Variants in DLG2 observed in about 807,000 individuals in gnomAD.
The protein encoded by DLG2 is disks large homolog 2.
In DLG2, 45 loss-of-function variants were observed where a neutral mutation model predicts 132.5. That is an observed-to-expected ratio of 0.34 (90% CI 0.27 to 0.44). The LOEUF (loss-of-function observed/expected upper bound fraction) is 0.44. Ranked by LOEUF, DLG2 falls within the 20% of genes least tolerant of loss-of-function variation. The pLI is 1.00. For synonymous variants in DLG2, 424 were observed against 419.6 expected, an observed-to-expected ratio of 1.01 and a Z score of -0.13; for missense variants, 1,045 against 1,196.9, an observed-to-expected ratio of 0.87 and a Z score of 1.87.
intron 5 of DLG2, among the ~76,000 whole-genome samples, chr11:85,139,961 C>T (rs574212660): frequency 3.3e-5 from 5 of 152,022 alleles, no homozygotes; most frequent in African/African-American, 1.2e-4. Flanking sequence ...ATAATGTCCT[C>T]CCAGGCTCCT....
At chr11:84,614,265 G>A (rs917176259) in intron 6 of DLG2, among the ~76,000 whole-genome samples, 6 of 152,160 alleles carry the variant, frequency 3.9e-5, no homozygotes, top group African/African-American at 1.4e-4. Context: ...TTGGGAAAAT[G>A]AGTATCTTTA....
chr11:84,460,021 A>G (rs969892058), intron 7 of DLG2, among the ~76,000 whole-genome samples: 5 of 150,726 alleles, frequency 3.3e-5, no homozygotes, highest in African/African-American at 1.2e-4. Flanking sequence ...TTTCTACACT[A>G]TGTCAAATAG....
intron 7 of DLG2, among the ~76,000 whole-genome samples, chr11:84,323,718 T>C (rs2154397930): frequency 6.8e-6 from 1 of 146,820 alleles, no homozygotes; most frequent in East Asian, 2.0e-4. Flanking sequence ...CTTTCTTTTT[T>C]CCTTTTTTTT....
At chr11:85,373,179 G>A (rs543211936) in intron 3 of DLG2, among the ~76,000 whole-genome samples, 1 of 152,268 alleles carries the variant, frequency 6.6e-6, no homozygotes, top group East Asian at 1.9e-4. Flanking sequence ...TTTTTAACCA[G>A]TCGGACTTTT....
At chr11:85,002,809 C>A (rs1001834448) in intron 6 of DLG2, among the ~76,000 whole-genome samples, 2 of 151,908 alleles carry the variant, frequency 1.3e-5, no homozygotes, top group Non-Finnish European at 2.9e-5. Context: ...TTGGCCACCT[C>A]TGAGATAGCA....
chr11:84,969,862 T>C (rs1387247656), intron 6 of DLG2, among the ~76,000 whole-genome samples: 9 of 152,172 alleles, frequency 5.9e-5, no homozygotes, highest in African/African-American at 2.2e-4. Context: ...TTCATGTCCT[T>C]TGCAGGGACA....
At chr11:85,580,276 C>A (rs1165390969) in intron 3 of DLG2, among the ~76,000 whole-genome samples, 1 of 152,148 alleles carries the variant, frequency 6.6e-6, no homozygotes, top group Admixed American at 6.5e-5. Flanking sequence ...TAATACAGGG[C>A]CACATGACAA....
intron 8 of DLG2, among the ~76,000 whole-genome samples, chr11:84,244,022 G>T (rs1000870657): frequency 6.6e-6 from 1 of 152,148 alleles, no homozygotes; most frequent in Non-Finnish European, 1.5e-5. Flanking sequence ...GCAGAGGTGG[G>T]TTTACAACCC....
chr11:83,526,005 G>C (rs772004764), intron 21 of DLG2, among the ~76,000 whole-genome samples: 3 of 152,084 alleles, frequency 2.0e-5, no homozygotes, highest in Non-Finnish European at 4.4e-5. Flanking sequence ...TGTAAATTAA[G>C]TCAATGGCCA....
intron 14 of DLG2, among the ~76,000 whole-genome samples, chr11:83,952,247 G>A (rs779332325): frequency 4.6e-5 from 7 of 152,124 alleles, no homozygotes; most frequent in Non-Finnish European, 7.4e-5. Flanking sequence ...TTGGAAGGCT[G>A]AGGTGGAAGA....
At chr11:84,194,505 C>T (rs191227519) in intron 8 of DLG2, among the ~76,000 whole-genome samples, 111 of 152,292 alleles carry the variant, frequency 7.3e-4, no homozygotes, top group Middle Eastern at 3.4e-3. Flanking sequence ...GAGTGGCTTG[C>T]GCTGTTGGCT....
At chr11:85,518,570 C>G (rs2094214859) in intron 3 of DLG2, among the ~76,000 whole-genome samples, 2 of 152,050 alleles carry the variant, frequency 1.3e-5, no homozygotes, top group African/African-American at 2.4e-5. Flanking sequence ...AAGCAGAGCA[C>G]AAAAGTTTGG....
At chr11:84,367,755 T>G (rs909666248) in intron 7 of DLG2, among the ~76,000 whole-genome samples, 1 of 152,142 alleles carries the variant, frequency 6.6e-6, no homozygotes, top group Non-Finnish European at 1.5e-5. Context: ...CACCAGAAGC[T>G]GACCAGATGC....
At chr11:85,478,712 T>C (rs1444032678) in intron 3 of DLG2, among the ~76,000 whole-genome samples, 1 of 152,214 alleles carries the variant, frequency 6.6e-6, no homozygotes, top group Non-Finnish European at 1.5e-5. Context: ...CACAGTCCTG[T>C]TATGATGGTG....
At chr11:84,821,969 T>TA (rs146359573) in intron 6 of DLG2, among the ~76,000 whole-genome samples, 13,854 of 151,856 alleles carry the variant, frequency 0.091, 688 homozygotes, top group Middle Eastern at 0.12. Context: ...AAATATCCTA[T>TA]AAAAAATTCA....
intron 15 of DLG2, among the ~76,000 whole-genome samples, chr11:83,887,116 A>T (rs1318652624): frequency 6.6e-6 from 1 of 152,172 alleles, no homozygotes; most frequent in African/African-American, 2.4e-5. Context: ...AACTGAAGGA[A>T]ATAGAGACAC....
intron 6 of DLG2, among the ~76,000 whole-genome samples, chr11:84,977,289 T>TC (rs1329243908): frequency 2.6e-5 from 4 of 152,088 alleles, no homozygotes; most frequent in Admixed American, 2.6e-4. Context: ...TTTTTCTCTC[T>TC]CCCACTCTAT....
chr11:85,390,045 A>C (rs1596798544), intron 3 of DLG2, among the ~76,000 whole-genome samples: 1 of 152,304 alleles, frequency 6.6e-6, no homozygotes, highest in South Asian at 2.1e-4. Context: ...TAAATGCTCC[A>C]CTTAAAAGAT....
intron 18 of DLG2, among the ~76,000 whole-genome samples, chr11:83,753,295 C>T (rs72954570): frequency 0.15 from 22,894 of 151,840 alleles, 1,885 homozygotes; most frequent in South Asian, 0.21. Context: ...TGGTGGCAGG[C>T]GCCTGTAATC....
Sources: allele counts gnomAD v4.1 joint callset (sites outside exome capture counted in the v4.1 genomes callset), GRCh38; gene constraint gnomAD v4.1.1; transcripts MANE v1.5; gene names NCBI Gene and HGNC (gene_info 2026-07-23, HGNC 2026-07-21).